Variants in SHANK2 observed in about 807,000 individuals in gnomAD.
The protein encoded by SHANK2 is SH3 and multiple ankyrin repeat domains 2.
In SHANK2, 43 loss-of-function variants were observed where a neutral mutation model predicts 133.7. The observed-to-expected ratio is 0.32, with a 90% CI of 0.25 to 0.41. The LOEUF (loss-of-function observed/expected upper bound fraction) is 0.41. SHANK2 is among the 10% of genes least tolerant of loss of function. The pLI, the probability that SHANK2 is intolerant of heterozygous loss-of-function variation, is 1.00. For missense variants in SHANK2, 1,994 were observed against 2,235.8 expected (o/e 0.89, Z 2.18); for synonymous variants, 1,017 against 952.8 (o/e 1.07, Z -1.24).
intron 2 of SHANK2, among the ~76,000 whole-genome samples, chr11:71,148,385 G>GACCAAGGCTCTT (rs1952698057): frequency 6.6e-6 from 1 of 152,186 alleles, no homozygotes; most frequent in Non-Finnish European, 1.5e-5. Flanking sequence ...TGCCTGGCCA[G>GACCAAGGCTCTT]ACCAAGGCTC....
chr11:71,095,910 CCCCAA>C (rs1555095288), intron 6 of SHANK2, among the ~76,000 whole-genome samples: 1 of 150,376 alleles, frequency 6.6e-6, no homozygotes, highest in African/African-American at 2.4e-5. Flanking sequence ...TTCCTGTCTT[CCCCAA>C]CTAGGATGCT....
At position 70,709,705 on chromosome 11, in the gene SHANK2, G is replaced by A. The variant is rs939910416; in HGVS notation, c.1778-10942C>T. On this transcript the variant is annotated intron_variant, in intron 14 of 25. Coordinates refer to ENST00000601538, the MANE Select transcript of SHANK2 (RefSeq NM_012309.5). The stretch of plus-strand genomic sequence containing the variant: ...ACACTCAGTGTTGGGCCGATGGAGC[G>A]TGTGGCCGTGGCAGAGACAGCTGGC... Among the ~76,000 whole-genome samples the A allele has an allele frequency of 8.5e-5, 13 of 152,208 alleles. No homozygotes were observed. The East Asian group carries it at 1.2e-3, about 14-fold the overall frequency.
At chr11:70,642,858 T>TA (rs1277392428) in intron 17 of SHANK2, among the ~76,000 whole-genome samples, 4 of 152,178 alleles carry the variant, frequency 2.6e-5, no homozygotes, top group Non-Finnish European at 4.4e-5. Flanking sequence ...TACAAGTTTT[T>TA]AAAAAAAGTT....
chr11:71,074,765 C>T (rs1343936744), intron 9 of SHANK2, among the ~76,000 whole-genome samples: 1 of 148,770 alleles, frequency 6.7e-6, no homozygotes, highest in Non-Finnish European at 1.5e-5. Context: ...GTTTGCTGAC[C>T]TAAGCCAATT....
intron 10 of SHANK2, among the ~76,000 whole-genome samples, chr11:70,941,543 GATGGC>G (rs1950648226): frequency 6.6e-6 from 1 of 152,204 alleles, no homozygotes; most frequent in Admixed American, 6.5e-5. Flanking sequence ...TCCCCAAGGG[GATGGC>G]ATTTGGATTG....
chr11:70,576,234 G>A (rs1379880177), intron 17 of SHANK2, among the ~76,000 whole-genome samples: 4 of 152,114 alleles, frequency 2.6e-5, no homozygotes, highest in East Asian at 1.9e-4. Context: ...GTACAGACAC[G>A]GAAGCTGCAG....
intron 14 of SHANK2, among the ~76,000 whole-genome samples, chr11:70,771,371 C>T (rs1947246532): frequency 6.6e-6 from 1 of 152,214 alleles, no homozygotes; most frequent in Non-Finnish European, 1.5e-5. Context: ...GTGGGGGCAG[C>T]TGGGTCCCTG....
intron 15 of SHANK2, among the ~76,000 whole-genome samples, chr11:70,673,662 C>T (rs1944857123): frequency 6.6e-6 from 1 of 152,154 alleles, no homozygotes; most frequent in Admixed American, 6.5e-5. Flanking sequence ...AGCCCGTGGT[C>T]CCCCCACCAG....
At chr11:70,576,896 AAGGACACAGC>A (rs1329744524) in intron 17 of SHANK2, among the ~76,000 whole-genome samples, 14 of 152,216 alleles carry the variant, frequency 9.2e-5, no homozygotes, top group African/African-American at 3.4e-4. Flanking sequence ...AGTCAGCAAC[AAGGACACAGC>A]AGGCAGGTGG....
chr11:70,769,547 C>A (rs1230179749), intron 14 of SHANK2, among the ~76,000 whole-genome samples: 1 of 144,770 alleles, frequency 6.9e-6, no homozygotes, highest in African/African-American at 2.8e-5. Flanking sequence ...ACCTGGTGCA[C>A]ACGGCAGGGG....
At chr11:70,657,661 T>C (rs962427030) in intron 17 of SHANK2, among the ~76,000 whole-genome samples, 1 of 152,220 alleles carries the variant, frequency 6.6e-6, no homozygotes, top group Non-Finnish European at 1.5e-5. Context: ...GTGATAATCA[T>C]AATGCAGGCG....
intron 2 of SHANK2, among the ~76,000 whole-genome samples, chr11:71,161,858 T>C (rs1953025832): frequency 6.6e-6 from 1 of 152,234 alleles, no homozygotes; most frequent in Non-Finnish European, 1.5e-5. Flanking sequence ...TGGCTCAGAA[T>C]AAACCTCTTT....
intron 17 of SHANK2, chr11:70,654,491 TC>T (rs1420538888): frequency 6.6e-6 from 1 of 152,224 alleles, no homozygotes; most frequent in African/African-American, 2.4e-5. Context: ...ATATTTCCTT[TC>T]CTTTTTGTTT....
chr11:70,604,036 G>A (rs1161892442), intron 17 of SHANK2: 2 of 152,386 alleles, frequency 1.3e-5, no homozygotes, highest in Admixed American at 6.5e-5. Context: ...CCAAGTGCCT[G>A]TGTGCAGAGC....
intron 11 of SHANK2, among the ~76,000 whole-genome samples, chr11:70,843,884 C>T (rs1948954426): frequency 6.6e-6 from 1 of 152,166 alleles, no homozygotes; most frequent in African/African-American, 2.4e-5. Flanking sequence ...TCTCCTGGTG[C>T]TTCCGTCGGA....
chr11:70,488,083 G>A (rs923484098), intron 24 of SHANK2, among the ~76,000 whole-genome samples: 6 of 152,162 alleles, frequency 3.9e-5, no homozygotes, highest in African/African-American at 1.2e-4. Context: ...CTGCTTGTGC[G>A]TGTGTGTGTG....
chr11:70,518,138 G>A (rs781920990), intron 17 of SHANK2, among the ~76,000 whole-genome samples: 12 of 152,184 alleles, frequency 7.9e-5, no homozygotes, highest in Non-Finnish European at 1.3e-4. Context: ...TTTAGCCAGC[G>A]TCAGCCACTG....
intron 2 of SHANK2, among the ~76,000 whole-genome samples, chr11:71,195,986 A>AGCCTGAGCAACATAGCGAGACCC (rs1953895149): frequency 6.6e-6 from 1 of 152,104 alleles, no homozygotes; most frequent in Non-Finnish European, 1.5e-5. Flanking sequence ...GTTCGGGACC[A>AGCCTGAGCAACATAGCGAGACCC]GCCTGAGCAA....
chr11:70,852,967 G>A (rs1467948401), intron 11 of SHANK2, among the ~76,000 whole-genome samples: 4 of 152,220 alleles, frequency 2.6e-5, no homozygotes, highest in Admixed American at 6.5e-5. Flanking sequence ...GGAAGGCAAC[G>A]TTCCCTGAAC....
Sources: gnomAD v4.1 joint callset for allele counts (sites outside exome capture counted in the v4.1 genomes callset) on GRCh38, gnomAD v4.1.1 for gene constraint, MANE v1.5 for transcripts, NCBI Gene and HGNC (gene_info 2026-07-23, HGNC 2026-07-21) for gene names.